TFB1M: variants seen among roughly 807,000 people sequenced by gnomAD.
TFB1M encodes transcription factor B1, mitochondrial.
A neutral mutation model predicts 31.1 loss-of-function variants in TFB1M; 27 were observed. The ratio of observed to expected loss-of-function variants is 0.87; its 90% CI spans 0.64 to 1.20. TFB1M has a LOEUF of 1.20. Among genes scored for constraint, TFB1M ranks in the 50% most tolerant of loss-of-function variants. The probability of loss-of-function intolerance (pLI) is 0.00; values close to 1 mark genes in which losing one functional copy is unlikely to be tolerated. For missense variants in TFB1M, 394 were observed against 418.7 expected, an observed-to-expected ratio of 0.94 and a Z score of 0.51; for synonymous variants, 166 against 151.8, an observed-to-expected ratio of 1.09 and a Z score of -0.69.
rs373910933 is a variant in TFB1M, at chr6:155,310,893, C to T, written c.285+295G>A. 19 of 373,496 alleles carry T rather than the reference C, an allele frequency of 5.1e-5. No individual in the cohort carries two copies. The East Asian group carries it at 5.5e-4, about 11-fold the overall frequency. The allele number at this position is 373,496 out of a possible 1,614,324, so 23.1% of individuals were successfully genotyped here. A position where few individuals can be genotyped will look rare whatever the true frequency, so the allele number is the denominator to read the frequency against. ...AAGGAATGGGCCACGACATGCATAGCTATTAGCAGACTTAAAAAAAAAAAT... is the reference window on the plus strand; with the variant it reads ...AAGGAATGGGCCACGACATGCATAGTTATTAGCAGACTTAAAAAAAAAAAT... On this transcript the variant is annotated intron_variant, in intron 2 of 6. Transcript: ENST00000367166.
At chr6:155,274,155 G>A (rs1213747985) in intron 5 of TFB1M, among the ~76,000 whole-genome samples, 1 of 152,166 alleles carries the variant, frequency 6.6e-6, no homozygotes, top group Non-Finnish European at 1.5e-5. Flanking sequence ...TTTGACTCAA[G>A]AGCCTGTATC....
At chr6:155,271,471 C>T (rs1432438429) in intron 5 of TFB1M, among the ~76,000 whole-genome samples, 1 of 152,132 alleles carries the variant, frequency 6.6e-6, no homozygotes, top group Non-Finnish European at 1.5e-5. Context: ...GCACCACACA[C>T]ACAAAAATAC....
downstream of TFB1M, chr6:155,255,504 T>C (rs1783943414): frequency 6.6e-6 from 1 of 152,224 alleles, no homozygotes; most frequent in African/African-American, 2.4e-5. Context: ...ACATATTTAC[T>C]ATTTTCTCCA....
At chr6:155,240,649 T>G in the TFB1M span, 1 of 1,614,054 alleles carries the variant, frequency 6.2e-7, no homozygotes, top group African/African-American at 1.3e-5. Context: ...ACCTGTCTGA[T>G]GCAGACCGCC....
At position 155,258,088 on chromosome 6, in the gene TFB1M, G is replaced by T; in HGVS notation, c.795-6C>A. The T allele has an allele frequency of 6.2e-7, 1 of 1,614,086 alleles. No homozygotes were observed. The highest frequency in any genetic ancestry group is 8.5e-7 in the Non-Finnish European group (1 of 1,180,004). Reference sequence around the variant, plus strand: ...GCGCTTCAGGGAATAACATTCTGAGGGGAAGACAGACAGACAGAAAAATAA... The same window carrying T: ...GCGCTTCAGGGAATAACATTCTGAGTGGAAGACAGACAGACAGAAAAATAA... On this transcript the variant is annotated splice_region_variant and splice_polypyrimidine_tract_variant and intron_variant, in intron 6 of 6. Coordinates refer to ENST00000367166, the MANE Select transcript of TFB1M (RefSeq NM_016020.4).
At position 155,311,316 on chromosome 6, in the gene TFB1M, T is replaced by C; in HGVS notation, c.157A>G (p.Asn53Asp). The change falls in exon 2 of 7, where the codon AAT becomes GAT. Residue 53 changes from asparagine to aspartate, a missense_variant. Coordinates refer to ENST00000367166, the MANE Select transcript of TFB1M (RefSeq NM_016020.4). ...LTDKIVRKAG[N>D]LTNAYVYEVG... ...TCGTAAACATAAGCATTTGTCAGAT[T>C]GCCAGCTTTCCTTACAATCTTATCT... 1.2e-6 allele frequency: 2 copies of C among 1,614,102 alleles called. No homozygotes were observed. The highest frequency in any genetic ancestry group is 1.7e-6 in the Non-Finnish European group (2 of 1,179,940).
At chr6:155,244,816 A>G in the TFB1M span, 1 of 1,580,720 alleles carries the variant, frequency 6.3e-7, no homozygotes, top group Non-Finnish European at 8.6e-7. Flanking sequence ...TAAAGTAAAA[A>G]TACGTGGCTA....
rs1332235887 is a variant in TFB1M, at chr6:155,267,671, T to C, written c.667-7271A>G. The stretch of plus-strand genomic sequence containing the variant: ...TTTCAGCAGCTAGGCTTATAGAAAG[T>C]GTAAATTTTGGAGCAGGTGCGACAG... On this transcript the variant is annotated intron_variant, in intron 5 of 6. Coordinates refer to ENST00000367166, the MANE Select transcript of TFB1M (RefSeq NM_016020.4). Among the ~76,000 whole-genome samples the C allele has an allele frequency of 2.6e-5, 4 of 152,228 alleles. No individual in the cohort carries two copies. In the East Asian group the frequency reaches 5.8e-4, roughly 22 times the overall value.
intron 5 of TFB1M, among the ~76,000 whole-genome samples, chr6:155,284,267 T>C (rs1015252822): frequency 6.6e-6 from 1 of 152,332 alleles, no homozygotes; most frequent in Middle Eastern, 3.4e-3. Context: ...AGAATCTATA[T>C]CTAAATCTAT....
intron 3 of TFB1M, 126 bp from the exon 4 acceptor site, chr6:155,297,230 T>A: frequency 9.7e-7 from 1 of 1,025,982 alleles, no homozygotes; most frequent in Non-Finnish European, 1.4e-6. Context: ...TAGACATGGC[T>A]AAATTTTTTT....
At chr6:155,295,697 T>C (rs1777139565) in intron 4 of TFB1M, among the ~76,000 whole-genome samples, 2 of 152,138 alleles carry the variant, frequency 1.3e-5, no homozygotes, top group South Asian at 4.1e-4. Flanking sequence ...ATCCAACCAA[T>C]CCCAGATCAA....
intron 5 of TFB1M, chr6:155,275,613 TAGGC>T: frequency 8.5e-7 from 1 of 1,181,554 alleles, no homozygotes; most frequent in Admixed American, 2.3e-5. Context: ...CTTTTTTCCT[TAGGC>T]TTTGTTATTT....
intron 4 of TFB1M, among the ~76,000 whole-genome samples, chr6:155,290,112 C>T (rs750292646): frequency 1.3e-5 from 2 of 152,138 alleles, no homozygotes; most frequent in Admixed American, 6.5e-5. Flanking sequence ...AGGGGCTGGG[C>T]GTGGTGGCTC....
In TFB1M at chr6:155,256,276, A is replaced by C. The variant is rs1784016572; in HGVS notation, c.*1560T>G. ...AGCTCTGGTAATCTAAAAATGCTGA[A>C]TTGCCTAACTTACAACTGTAAACCT... On this transcript the variant is annotated 3_prime_UTR_variant, in exon 7 of 7. Transcript: ENST00000367166. 1 of 673,482 alleles carries C rather than the reference A, an allele frequency of 1.5e-6. No individual in the cohort carries two copies. Among genetic ancestry groups the C allele is most frequent in the South Asian group, 2.0e-5 (1 of 50,674 alleles). The allele number at this position is 673,482 out of a possible 1,614,324, so 41.7% of individuals were successfully genotyped here.
chr6:155,298,432 A>T (rs1777279039), intron 3 of TFB1M, 45 bp downstream of exon 3: 1 of 961,352 alleles, frequency 1.0e-6, no homozygotes, highest in Non-Finnish European at 1.7e-6. Flanking sequence ...TTGTGATATA[A>T]ATAATCATAA....
the TFB1M span, among the ~76,000 whole-genome samples, chr6:155,230,462 G>A: frequency 6.5e-4 from 99 of 152,232 alleles, no homozygotes; most frequent in African/African-American, 2.1e-3. Context: ...TTGTGTTTCC[G>A]TAGGACCCCC....
the TFB1M span, among the ~76,000 whole-genome samples, chr6:155,237,383 A>G: frequency 6.6e-6 from 1 of 152,120 alleles, no homozygotes; most frequent in African/African-American, 2.4e-5. Context: ...TTGAGTATCT[A>G]CAGCTTTGCC....
At chr6:155,266,606 G>T (rs984068237) in intron 5 of TFB1M, among the ~76,000 whole-genome samples, 2 of 152,114 alleles carry the variant, frequency 1.3e-5, no homozygotes, top group African/African-American at 4.8e-5. Context: ...CAGCACTTTG[G>T]AAGGCCAAAG....
the TFB1M span, chr6:155,250,673 C>G: frequency 3.3e-6 from 5 of 1,497,164 alleles, no homozygotes; most frequent in South Asian, 1.2e-5. Flanking sequence ...CATGTCTCAC[C>G]TACATGTGCG....
Sources: gnomAD v4.1 joint callset for allele counts (sites outside exome capture counted in the v4.1 genomes callset) on GRCh38, gnomAD v4.1.1 for gene constraint, MANE v1.5 for transcripts, NCBI Gene and HGNC (gene_info 2026-07-23, HGNC 2026-07-21) for gene names.